Variants in DSCAM observed in about 807,000 individuals in gnomAD.
DSCAM encodes the protein DS cell adhesion molecule, also known as cell adhesion molecule DSCAM.
A neutral mutation model predicts 217.7 loss-of-function variants in DSCAM; 47 were observed. The ratio of observed to expected loss-of-function variants is 0.22; its 90% CI spans 0.17 to 0.28. The LOEUF (loss-of-function observed/expected upper bound fraction) is 0.28. Among genes scored for constraint, DSCAM ranks in the 10% least tolerant of loss-of-function variants. DSCAM has a pLI of 1.00. For synonymous variants in DSCAM, 1,056 were observed against 1,015.3 expected (o/e 1.04, Z -0.76); for missense variants, 2,080 against 2,618.3 (o/e 0.79, Z 4.49).
intron 3 of DSCAM, among the ~76,000 whole-genome samples, chr21:40,492,787 A>G (rs2076086757): frequency 6.6e-6 from 1 of 152,162 alleles, no homozygotes; most frequent in Non-Finnish European, 1.5e-5. Context: ...GGCAAAGAAG[A>G]GGAAGACTAA....
intron 32 of DSCAM, among the ~76,000 whole-genome samples, chr21:40,028,853 C>A (rs1044876692): frequency 6.6e-6 from 1 of 152,180 alleles, no homozygotes; most frequent in Non-Finnish European, 1.5e-5. Context: ...CACTTATTTT[C>A]CATTCTTGCC....
chr21:40,276,019 T>C (rs1270720679), intron 11 of DSCAM, 78 bp downstream of exon 11: 8 of 1,421,588 alleles, frequency 5.6e-6, no homozygotes, highest in South Asian at 1.6e-5. Context: ...CAGGTATGTA[T>C]GGAGACAATT....
chr21:40,664,111 G>A (rs2090172911), intron 3 of DSCAM, among the ~76,000 whole-genome samples: 1 of 152,124 alleles, frequency 6.6e-6, no homozygotes, highest in Non-Finnish European at 1.5e-5. Flanking sequence ...CTTCCTAAGT[G>A]TCTCCCCTCT....
intron 1 of DSCAM, among the ~76,000 whole-genome samples, chr21:40,806,417 G>A (rs541967101): frequency 2.0e-5 from 3 of 152,312 alleles, no homozygotes; most frequent in African/African-American, 7.2e-5. Flanking sequence ...ACAGAGATCT[G>A]ATGATATTTT....
intron 3 of DSCAM, among the ~76,000 whole-genome samples, chr21:40,519,285 G>GT (rs1478267449): frequency 6.6e-6 from 1 of 152,118 alleles, no homozygotes; most frequent in Non-Finnish European, 1.5e-5. Context: ...CTGTGAAGGT[G>GT]TTTTGTAGAT....
chr21:40,474,330 C>T (rs149316918), intron 3 of DSCAM, among the ~76,000 whole-genome samples: 16 of 151,668 alleles, frequency 1.1e-4, no homozygotes, highest in East Asian at 3.9e-4. Context: ...AAAAACACAA[C>T]CAAAAATACA....
intron 20 of DSCAM, among the ~76,000 whole-genome samples, chr21:40,100,974 A>C (rs1311469510): frequency 6.6e-6 from 1 of 152,220 alleles, no homozygotes; most frequent in Non-Finnish European, 1.5e-5. Context: ...AAGAGAAGAC[A>C]TAAGAGTTCC....
At chr21:40,478,659 A>G (rs2075957207) in intron 3 of DSCAM, among the ~76,000 whole-genome samples, 1 of 152,166 alleles carries the variant, frequency 6.6e-6, no homozygotes, top group African/African-American at 2.4e-5. Context: ...AAATCTAACA[A>G]TGATCACTAC....
At chr21:40,547,619 T>G (rs2076594040) in intron 3 of DSCAM, among the ~76,000 whole-genome samples, 1 of 152,202 alleles carries the variant, frequency 6.6e-6, no homozygotes, top group African/African-American at 2.4e-5. Flanking sequence ...AGGCATGCCC[T>G]CCTGAGTTTC....
chr21:40,330,383 T>C (rs1452155477), intron 8 of DSCAM, among the ~76,000 whole-genome samples: 1 of 133,650 alleles, frequency 7.5e-6, no homozygotes, highest in Non-Finnish European at 1.5e-5. Context: ...ATATATGTAT[T>C]ATATAATAAA....
chr21:40,019,681 A>G (rs1568891364), intron 32 of DSCAM, among the ~76,000 whole-genome samples: 2 of 152,116 alleles, frequency 1.3e-5, no homozygotes, highest in Non-Finnish European at 2.9e-5. Flanking sequence ...GGGTCACCAT[A>G]TTGGGTCACC....
intron 8 of DSCAM, among the ~76,000 whole-genome samples, chr21:40,334,521 T>C (rs1402838826): frequency 2.0e-5 from 3 of 152,016 alleles, no homozygotes; most frequent in Non-Finnish European, 2.9e-5. Flanking sequence ...CCTCCTCTGC[T>C]CTCCCCCTGG....
At chr21:40,705,169 G>A (rs2090698820) in intron 2 of DSCAM, among the ~76,000 whole-genome samples, 1 of 152,222 alleles carries the variant, frequency 6.6e-6, no homozygotes, top group Non-Finnish European at 1.5e-5. Flanking sequence ...TAGTCAAGGA[G>A]AGATTCTTTA....
At position 40,518,421 on chromosome 21, in the gene DSCAM, T is replaced by A. The variant is rs11909370; in HGVS notation, c.509-149176A>T. On this transcript the variant is annotated intron_variant, in intron 3 of 32. Coordinates refer to ENST00000400454, the MANE Select transcript of DSCAM (RefSeq NM_001389.5). ...ATTATGTAATATATATTATATATATTATATATATTATATAAATTATATATA... is the reference window on the plus strand; with the variant it reads ...ATTATGTAATATATATTATATATATAATATATATTATATAAATTATATATA... Among the ~76,000 whole-genome samples, 4 of 4,218 alleles carry A rather than the reference T, an allele frequency of 9.5e-4. 1 individual carries two copies. The highest frequency in any genetic ancestry group is 7.7e-3 in the African/African-American group (3 of 392). 2.8% of individuals were successfully genotyped at this position (4,218 alleles called of 152,430 possible).
At chr21:40,212,145 T>C (rs932846443) in intron 11 of DSCAM, among the ~76,000 whole-genome samples, 10 of 151,956 alleles carry the variant, frequency 6.6e-5, no homozygotes, top group African/African-American at 2.4e-4. Context: ...AATTTTTTTA[T>C]TTTTAGTAGA....
chr21:40,695,749 A>G (rs1239770053), intron 2 of DSCAM, among the ~76,000 whole-genome samples: 1 of 152,234 alleles, frequency 6.6e-6, no homozygotes. Context: ...CAGAGCTTCC[A>G]TTCTGGGAGA....
intron 1 of DSCAM, among the ~76,000 whole-genome samples, chr21:40,811,975 A>T (rs567497581): frequency 2.6e-5 from 4 of 152,272 alleles, no homozygotes; most frequent in African/African-American, 7.2e-5. Flanking sequence ...GCAAAAAGAG[A>T]ATATTTCTTC....
Position 40,315,137 on chromosome 21 carries a change from G to A in DSCAM, c.1784-2778C>T, listed in dbSNP as rs1191509108. 7.9e-5 allele frequency among the ~76,000 whole-genome samples: 12 copies of A among 152,194 alleles called. No homozygotes were observed. The East Asian group carries it at 1.2e-3, about 15-fold the overall frequency. ...AAGAAGGCCGGGTGTGGTGGCTCAC[G>A]CCTGTAATCCCAACACTTTGGGAGG... On this transcript the variant is annotated intron_variant, in intron 8 of 32. Transcript: ENST00000400454.
intron 1 of DSCAM, among the ~76,000 whole-genome samples, chr21:40,735,868 G>T (rs35255399): frequency 6.6e-6 from 1 of 152,000 alleles, no homozygotes; most frequent in Non-Finnish European, 1.5e-5. Flanking sequence ...TTTCAGATCA[G>T]TTCTGACACT....
Sources: allele counts gnomAD v4.1 joint callset (sites outside exome capture counted in the v4.1 genomes callset), GRCh38; gene constraint gnomAD v4.1.1; transcripts MANE v1.5; gene names NCBI Gene and HGNC (gene_info 2026-07-23, HGNC 2026-07-21).